The following PRRG1 variants were observed in gnomAD, a reference collection of about 807,000 sequenced individuals.
PRRG1 encodes proline rich and Gla domain 1, also known as transmembrane gamma-carboxyglutamic acid protein 1.
Under a neutral mutation model 11.8 loss-of-function variants are expected in PRRG1, and 5 were observed. That is an observed-to-expected ratio of 0.42 (90% CI 0.22 to 0.89). The LOEUF (loss-of-function observed/expected upper bound fraction) is 0.89, where lower values mean the gene tolerates loss of function less well. Among genes scored for constraint, PRRG1 ranks in the 40% least tolerant of loss-of-function variants. PRRG1 has a pLI of 0.28. For synonymous variants in PRRG1, 66 were observed against 60.4 expected (o/e 1.09, Z -0.43); for missense variants, 155 against 166.1 (o/e 0.93, Z 0.37).
At chrX:37,440,488 C>T (rs1192968429) in intron 3 of PRRG1, among the ~76,000 whole-genome samples, 1 of 111,300 alleles carries the variant, frequency 9.0e-6, no homozygotes, top group East Asian at 2.8e-4. Flanking sequence ...GCTACCTTTT[C>T]GTTAAAAGAA....
intron 1 of PRRG1, among the ~76,000 whole-genome samples, chrX:37,405,636 A>G (rs1932164634): frequency 9.1e-6 from 1 of 110,456 alleles, no homozygotes; most frequent in Admixed American, 9.7e-5. Flanking sequence ...TTGTTTCTCC[A>G]AAGTTTCTGT....
chrX:37,384,564 T>A (rs1454150107), intron 1 of PRRG1, among the ~76,000 whole-genome samples: 2 of 111,947 alleles, frequency 1.8e-5, no homozygotes, highest in Non-Finnish European at 3.8e-5. Flanking sequence ...GCTCCAAGAC[T>A]CTTATTTTCA....
At chrX:37,383,480 C>T (rs1488247215) in intron 1 of PRRG1, among the ~76,000 whole-genome samples, 1 of 110,970 alleles carries the variant, frequency 9.0e-6, no homozygotes, top group African/African-American at 3.3e-5. Context: ...ACATTCACTA[C>T]AGTGACATGA....
intron 1 of PRRG1, among the ~76,000 whole-genome samples, chrX:37,357,772 A>G (rs1458027441): frequency 8.9e-6 from 1 of 112,200 alleles, no homozygotes; most frequent in African/African-American, 3.2e-5. Flanking sequence ...CTTGGAATGT[A>G]TTCTCCATGG....
chrX:37,407,751 G>A (rs1163962939), intron 2 of PRRG1, among the ~76,000 whole-genome samples: 2 of 111,798 alleles, frequency 1.8e-5, no homozygotes, highest in African/African-American at 6.5e-5. Flanking sequence ...TTTTTTTAAT[G>A]GATAAAAATG....
chrX:37,373,064 A>G (rs1556371267), intron 1 of PRRG1, among the ~76,000 whole-genome samples: 1 of 111,640 alleles, frequency 9.0e-6, no homozygotes, highest in Non-Finnish European at 1.9e-5. Flanking sequence ...TCCTTTTCCC[A>G]TTATGTGTTC....
Position 37,424,413 on chromosome X carries a change from T to TC in PRRG1, c.11-1426dup, listed in dbSNP as rs782257227. On this transcript the variant is annotated intron_variant, in intron 2 of 3. Transcript: ENST00000378628. ...TGGGGCCCAGCAGTCTGTGTGATAA[T>TC]CAGTCCTTCAGGGATTCTGATGCGG... Among the ~76,000 whole-genome samples the TC allele has an allele frequency of 1.1e-4, 12 of 111,299 alleles. No homozygotes were observed. In the South Asian group the frequency reaches 4.7e-3, roughly 43 times the overall value.
intron 1 of PRRG1, among the ~76,000 whole-genome samples, chrX:37,388,849 G>A (rs782211724): frequency 1.1e-4 from 12 of 112,273 alleles, no homozygotes; most frequent in Non-Finnish European, 1.9e-4. Context: ...TTCCTACCAC[G>A]TGGCCAGGCT....
Position 37,456,571 on chromosome X carries a change from ACT to A in PRRG1, c.*2951_*2952del, listed in dbSNP as rs1824538829. On this transcript the variant is annotated 3_prime_UTR_variant, in exon 4 of 4. Transcript: ENST00000378628. Reference sequence around the variant, plus strand: ...ATAATGATAGGATAAACAAAATACCACTGTCTTCAAGAAACATTATCTTAGGT... The same window carrying A: ...ATAATGATAGGATAAACAAAATACCAGTCTTCAAGAAACATTATCTTAGGT... The A allele has an allele frequency of 8.9e-6, 1 of 111,820 alleles. No individual in the cohort carries two copies. Among genetic ancestry groups the A allele is most frequent in the Non-Finnish European group, 1.9e-5 (1 of 53,114 alleles). The allele number at this position is 111,820 out of a possible 1,213,427, so 9.2% of individuals were successfully genotyped here.
chrX:37,402,905 A>G (rs1556380859), intron 1 of PRRG1, among the ~76,000 whole-genome samples: 1 of 112,276 alleles, frequency 8.9e-6, no homozygotes, highest in African/African-American at 3.2e-5. Flanking sequence ...GCCATCAGAG[A>G]AATGCAAATC....
chrX:37,356,054 A>G (rs1556366027), intron 1 of PRRG1, among the ~76,000 whole-genome samples: 1 of 112,806 alleles, frequency 8.9e-6, no homozygotes, highest in African/African-American at 3.2e-5. Context: ...ATACAACAGT[A>G]TATAAAACAG....
At chrX:37,400,771 A>G (rs1223522038) in intron 1 of PRRG1, among the ~76,000 whole-genome samples, 1 of 111,693 alleles carries the variant, frequency 9.0e-6, no homozygotes, top group Admixed American at 9.5e-5. Flanking sequence ...AGAAGAATCA[A>G]ATAGACACAA....
At chrX:37,402,921 C>T (rs1932052409) in intron 1 of PRRG1, among the ~76,000 whole-genome samples, 2 of 111,908 alleles carry the variant, frequency 1.8e-5, no homozygotes, top group Non-Finnish European at 3.8e-5. Flanking sequence ...AAATCAAAAC[C>T]ATAATGAGAA....
At chrX:37,353,256 A>C (rs1224343177) in intron 1 of PRRG1, among the ~76,000 whole-genome samples, 1 of 111,936 alleles carries the variant, frequency 8.9e-6, no homozygotes, top group Non-Finnish European at 1.9e-5. Flanking sequence ...AATGTTTAAA[A>C]AGTTAAACAA....
chrX:37,356,238 A>G (rs1930228720), intron 1 of PRRG1, among the ~76,000 whole-genome samples: 1 of 111,892 alleles, frequency 8.9e-6, no homozygotes, highest in South Asian at 3.7e-4. Context: ...GAGAAATACA[A>G]AGCAGGGAAG....
At chrX:37,370,389 A>G in intron 1 of PRRG1, among the ~76,000 whole-genome samples, 1 of 111,637 alleles carries the variant, frequency 9.0e-6, no homozygotes, top group African/African-American at 3.3e-5. Flanking sequence ...GCCCACCTAG[A>G]GCAGTCGCTG....
chrX:37,413,221 G>A (rs1237945119), intron 2 of PRRG1, among the ~76,000 whole-genome samples: 4 of 110,563 alleles, frequency 3.6e-5, no homozygotes, highest in Admixed American at 9.6e-5. Flanking sequence ...GGGTAAATGC[G>A]TAAAGAATGA....
At chrX:37,382,641 G>A (rs961348136) in intron 1 of PRRG1, among the ~76,000 whole-genome samples, 1 of 111,257 alleles carries the variant, frequency 9.0e-6, no homozygotes, top group Non-Finnish European at 1.9e-5. Flanking sequence ...TTCTTATAAT[G>A]TATGAATAAA....
chrX:37,419,084 G>A (rs782201110), intron 2 of PRRG1, among the ~76,000 whole-genome samples: 16 of 112,290 alleles, frequency 1.4e-4, no homozygotes, highest in East Asian at 1.1e-3. Context: ...CTGCATAAAC[G>A]AGGTATTACT....
Sources: gnomAD v4.1 joint callset for allele counts (sites outside exome capture counted in the v4.1 genomes callset) on GRCh38, gnomAD v4.1.1 for gene constraint, MANE v1.5 for transcripts, NCBI Gene and HGNC (gene_info 2026-07-23, HGNC 2026-07-21) for gene names.